Variants in IL1RAPL2 observed in about 807,000 individuals in gnomAD.
IL1RAPL2 encodes the protein X-linked interleukin-1 receptor accessory protein-like 2.
Under a neutral mutation model 44.1 loss-of-function variants are expected in IL1RAPL2, and 3 were observed. The observed-to-expected ratio is 0.07, with a 90% CI of 0.03 to 0.18. The LOEUF (loss-of-function observed/expected upper bound fraction) is 0.18, where lower values mean the gene tolerates loss of function less well. Among genes scored for constraint, IL1RAPL2 ranks in the 10% least tolerant of loss-of-function variants. The probability of loss-of-function intolerance (pLI) is 1.00; values close to 1 mark genes in which losing one functional copy is unlikely to be tolerated. For synonymous variants in IL1RAPL2, 181 were observed against 178.8 expected (o/e 1.01, Z -0.10); for missense variants, 391 against 496.4 (o/e 0.79, Z 2.02).
At chrX:104,856,018 A>C (rs989786478) in intron 2 of IL1RAPL2, among the ~76,000 whole-genome samples, 2 of 110,189 alleles carry the variant, frequency 1.8e-5, no homozygotes, top group African/African-American at 6.6e-5. Context: ...TTACCACATA[A>C]ATTTGTGGTG....
intron 6 of IL1RAPL2, among the ~76,000 whole-genome samples, chrX:105,615,512 A>G (rs943659298): frequency 8.9e-6 from 1 of 112,295 alleles, no homozygotes; most frequent in Non-Finnish European, 1.9e-5. Flanking sequence ...AAAAATAATG[A>G]GATCTTGTTA....
intron 2 of IL1RAPL2, among the ~76,000 whole-genome samples, chrX:104,845,976 G>T (rs1285906423): frequency 9.0e-6 from 1 of 111,240 alleles, no homozygotes; most frequent in Non-Finnish European, 1.9e-5. Flanking sequence ...AAGAGAGACT[G>T]GGGTGAGTTG....
chrX:105,411,513 A>C (rs749310795), intron 5 of IL1RAPL2, among the ~76,000 whole-genome samples: 41 of 111,719 alleles, frequency 3.7e-4, no homozygotes, highest in African/African-American at 1.3e-3. Context: ...AAGCCGGAAT[A>C]GCCATACTCA....
At chrX:104,647,602 G>A (rs965036216) in intron 1 of IL1RAPL2, 2 of 523,585 alleles carry the variant, frequency 3.8e-6, no homozygotes, top group Non-Finnish European at 7.0e-6. Context: ...CAGCATCAAA[G>A]TGAGACACCA....
chrX:105,182,505 C>G (rs1445216097), intron 2 of IL1RAPL2, among the ~76,000 whole-genome samples: 2 of 111,527 alleles, frequency 1.8e-5, no homozygotes, highest in African/African-American at 6.5e-5. Context: ...CATCCTTTTA[C>G]TTTGTCTATG....
intron 2 of IL1RAPL2, among the ~76,000 whole-genome samples, chrX:105,083,495 C>T (rs191483171): frequency 4.2e-4 from 46 of 110,364 alleles, no homozygotes; most frequent in Non-Finnish European, 7.8e-4. Flanking sequence ...TCAAGTAGAG[C>T]GACCCCAAGA....
Position 104,917,116 on chromosome X carries a change from A to G in IL1RAPL2, c.82+258121A>G, listed in dbSNP as rs776718138. 1.4e-4 allele frequency among the ~76,000 whole-genome samples: 16 copies of G among 111,194 alleles called. No individual in the cohort carries two copies. The South Asian group carries it at 4.6e-3, about 32-fold the overall frequency. ...GTTAGGGAGGATTCCCTCTTTTTCT[A>G]TTGATTGGAATAGTTTCAGAAGGAA... On this transcript the variant is annotated intron_variant, in intron 2 of 10. Coordinates refer to ENST00000372582, the MANE Select transcript of IL1RAPL2 (RefSeq NM_017416.2).
chrX:105,507,232 A>G (rs918760999), intron 6 of IL1RAPL2, among the ~76,000 whole-genome samples: 1 of 111,637 alleles, frequency 9.0e-6, no homozygotes, highest in African/African-American at 3.2e-5. Context: ...TGAATGCCTC[A>G]TATATTCTGT....
rs764517334 is a variant in IL1RAPL2, at chrX:105,456,567, A to C, written c.698-27746A>C. On this transcript the variant is annotated intron_variant, in intron 5 of 10. Transcript: ENST00000372582. ...TTCATCAAAAGCCTTTTCTGCATCT[A>C]TTGAGGTAATCATGTGGTTTTTCTC... Among the ~76,000 whole-genome samples, 148 of 111,352 alleles carry C rather than the reference A, an allele frequency of 1.3e-3. 1 individual carries two copies. The highest frequency in any genetic ancestry group is 1.8e-3 in the Non-Finnish European group (98 of 53,062).
At chrX:104,881,237 T>G (rs1923062549) in intron 2 of IL1RAPL2, among the ~76,000 whole-genome samples, 1 of 111,585 alleles carries the variant, frequency 9.0e-6, no homozygotes, top group Non-Finnish European at 1.9e-5. Flanking sequence ...AAAAATGAGA[T>G]ATACCTTTCT....
intron 5 of IL1RAPL2, among the ~76,000 whole-genome samples, chrX:105,383,724 A>G (rs1460207263): frequency 8.9e-6 from 1 of 112,226 alleles, no homozygotes; most frequent in African/African-American, 3.2e-5. Context: ...TTACATTCCT[A>G]CCAACAGTAT....
chrX:104,930,161 A>G (rs1924863183), intron 2 of IL1RAPL2, among the ~76,000 whole-genome samples: 2 of 112,474 alleles, frequency 1.8e-5, no homozygotes, highest in Non-Finnish European at 3.8e-5. Flanking sequence ...AAATTCTGCT[A>G]CAATGGTCTT....
intron 2 of IL1RAPL2, among the ~76,000 whole-genome samples, chrX:104,696,493 T>G (rs770622916): frequency 1.8e-5 from 2 of 112,240 alleles, no homozygotes; most frequent in South Asian, 3.7e-4. Flanking sequence ...TGAAAAACAC[T>G]GAGCTATTAC....
intron 6 of IL1RAPL2, among the ~76,000 whole-genome samples, chrX:105,535,561 G>A (rs1007527255): frequency 4.5e-5 from 5 of 111,803 alleles, no homozygotes; most frequent in African/African-American, 1.6e-4. Flanking sequence ...CCTTCAACAG[G>A]TGAATGGATA....
At position 105,227,473 on chromosome X, in the gene IL1RAPL2, C is replaced by T. The variant is rs782359364; in HGVS notation, c.357-6345C>T. On this transcript the variant is annotated intron_variant, in intron 3 of 10. Coordinates refer to ENST00000372582, the MANE Select transcript of IL1RAPL2 (RefSeq NM_017416.2). ...ACAAGCCTAGAAGTAAGATGATTTACTTAAAGACTAAAAGTGACAAAAATG... is the reference window on the plus strand; with the variant it reads ...ACAAGCCTAGAAGTAAGATGATTTATTTAAAGACTAAAAGTGACAAAAATG... Among the ~76,000 whole-genome samples the T allele has an allele frequency of 5.3e-5, 6 of 112,173 alleles. No homozygotes were observed. The East Asian group carries it at 1.4e-3, about 26-fold the overall frequency.
At chrX:105,183,850 T>A (rs2033558217) in intron 2 of IL1RAPL2, among the ~76,000 whole-genome samples, 1 of 111,406 alleles carries the variant, frequency 9.0e-6, no homozygotes, top group Non-Finnish European at 1.9e-5. Context: ...CAGGGACTAA[T>A]GTCAGCACAG....
chrX:105,765,562 G>A lies in IL1RAPL2; in HGVS notation c.1364-1402G>A, dbSNP rs187225495. ...GTAACTACTGCATGAGAAAGATCCT[G>A]AAATGTATTAAGTCAAAACCCAAAG... On this transcript the variant is annotated intron_variant, in intron 10 of 10. Transcript: ENST00000372582. Among the ~76,000 whole-genome samples the A allele has an allele frequency of 3.3e-3, 367 of 112,335 alleles. 1 individual carries two copies. Among genetic ancestry groups the A allele is most frequent in the Middle Eastern group, 4.6e-3 (1 of 217 alleles).
intron 2 of IL1RAPL2, among the ~76,000 whole-genome samples, chrX:104,946,773 C>T: frequency 1.0e-5 from 1 of 98,293 alleles, no homozygotes; most frequent in Non-Finnish European, 2.0e-5. Context: ...GCATAGTATT[C>T]CATGGTGTAT....
intron 2 of IL1RAPL2, among the ~76,000 whole-genome samples, chrX:104,966,003 T>A (rs940104705): frequency 1.8e-5 from 2 of 111,234 alleles, no homozygotes; most frequent in East Asian, 5.6e-4. Flanking sequence ...AGAAAATGAC[T>A]GAGAATATTC....
Sources: allele counts gnomAD v4.1 joint callset (sites outside exome capture counted in the v4.1 genomes callset), GRCh38; gene constraint gnomAD v4.1.1; transcripts MANE v1.5; gene names NCBI Gene and HGNC (gene_info 2026-07-23, HGNC 2026-07-21).